The following CEACAM5 variants were observed in gnomAD, a reference collection of about 807,000 sequenced individuals.
CEACAM5 encodes CEA cell adhesion molecule 5, also known as cell adhesion molecule CEACAM5.
A neutral mutation model predicts 63.0 loss-of-function variants in CEACAM5; 52 were observed. The ratio of observed to expected loss-of-function variants is 0.83; its 90% CI spans 0.66 to 1.04. CEACAM5 has a LOEUF of 1.04. CEACAM5 is among the 50% of genes least tolerant of loss of function. The pLI, the probability that CEACAM5 is intolerant of heterozygous loss-of-function variation, is 0.00. For missense variants in CEACAM5, 790 were observed against 864.8 expected, an observed-to-expected ratio of 0.91 and a Z score of 1.08; for synonymous variants, 357 against 351.3, an observed-to-expected ratio of 1.02 and a Z score of -0.18.
At chr19:41,723,197 C>A (rs1234704078) in intron 8 of CEACAM5, among the ~76,000 whole-genome samples, 1 of 152,180 alleles carries the variant, frequency 6.6e-6, no homozygotes, top group Non-Finnish European at 1.5e-5. Flanking sequence ...CAGGCATGAG[C>A]CACCGTGTCC....
chr19:41,719,861 T>C, intron 6 of CEACAM5, 69 bp from the exon 7 acceptor site: 1 of 1,599,868 alleles, frequency 6.3e-7, no homozygotes, highest in Admixed American at 1.7e-5. Context: ...TTGCCAACTC[T>C]GATTGAAAGA....
At chr19:41,708,859 G>A in intron 1 of CEACAM5, 64 bp downstream of exon 1, 12 of 1,104,390 alleles carry the variant, frequency 1.1e-5, no homozygotes, top group Admixed American at 2.3e-5. Context: ...GGTAGGACAG[G>A]GCTGTGAGAC....
At chr19:41,727,988 T>G (rs140822283) in intron 9 of CEACAM5, among the ~76,000 whole-genome samples, 11 of 152,276 alleles carry the variant, frequency 7.2e-5, no homozygotes, top group Admixed American at 2.6e-4. Flanking sequence ...GTGACCTCCT[T>G]CCACTGTCTG....
At chr19:41,712,511 G>A (rs782232638) in intron 2 of CEACAM5, among the ~76,000 whole-genome samples, 1 of 152,190 alleles carries the variant, frequency 6.6e-6, no homozygotes, top group Non-Finnish European at 1.5e-5. Context: ...GGCAGGGAGC[G>A]CTTTCTAAAT....
rs138694037 is a variant in CEACAM5, at chr19:41,715,104, G to A, written c.558G>A (p.Pro186=). The A allele has an allele frequency of 7.8e-4, 1,266 of 1,614,014 alleles. No homozygotes were observed. Among genetic ancestry groups the A allele is most frequent in the Non-Finnish European group, 9.4e-4 (1,107 of 1,180,024 alleles). ...GGTGGGTAAACAATCAGAGCCTCCC[G>A]GTCAGTCCCAGGCTGCAGCTGTCCA... ...YLWWVNNQSL[P]VSPRLQLSNG... is the part of the protein sequence containing the mutation. Residue 186 remains proline, a synonymous_variant, in exon 3 of 10, where the codon CCG becomes CCA. Transcript: ENST00000221992.
rs1305152658 is a variant in CEACAM5 at position 41,715,547 on chromosome 19, G to C, written c.704-103G>C. The C allele has an allele frequency of 2.7e-6, 4 of 1,455,608 alleles. No homozygotes were observed. The African/African-American group carries it at 5.6e-5, about 20-fold the overall frequency. 90.2% of individuals were successfully genotyped at this position (1,455,608 alleles called of 1,614,324 possible). On this transcript the variant is annotated intron_variant, in intron 3 of 9. Transcript: ENST00000221992. Reference sequence around the variant, plus strand: ...CAAGAGGGGTTTGGCTGAGACTTTAGGATTGTGATTCAGCTTAGAGGGACA... The same window carrying C: ...CAAGAGGGGTTTGGCTGAGACTTTACGATTGTGATTCAGCTTAGAGGGACA...
At chr19:41,728,786 C>CAAAAAAAAAAAAAAAAAAAAAAAAA (rs55647539) in intron 9 of CEACAM5, among the ~76,000 whole-genome samples, 1 of 73,298 alleles carries the variant, frequency 1.4e-5, no homozygotes. Flanking sequence ...GACTCCGTCT[C>CAAAAAAAAAAAAAAAAAAAAAAAAA]AAAAAAAAAA....
intron 8 of CEACAM5, among the ~76,000 whole-genome samples, chr19:41,726,430 C>T (rs1457479180): frequency 1.3e-5 from 2 of 152,072 alleles, no homozygotes; most frequent in African/African-American, 2.4e-5. Flanking sequence ...AAATGAAAAC[C>T]CACTAGGACA....
intron 6 of CEACAM5, among the ~76,000 whole-genome samples, chr19:41,719,409 C>T (rs1379986888): frequency 1.3e-5 from 2 of 152,186 alleles, no homozygotes; most frequent in Non-Finnish European, 2.9e-5. Context: ...GAGCTGCCCA[C>T]CTGTGGCCCA....
chr19:41,715,376 T>C, intron 3 of CEACAM5, 127 bp downstream of exon 3: 1 of 1,425,740 alleles, frequency 7.0e-7, no homozygotes, highest in Non-Finnish European at 9.8e-7. Flanking sequence ...AGACTGTCTG[T>C]GACTTTCTGC....
rs1555814893 is a variant in CEACAM5 at position 41,715,670 on chromosome 19, A to G, written c.724A>G (p.Ile242Val). The stretch of plus-strand genomic sequence containing the variant: ...TCCAGATGGCCCGGATGCCCCCACC[A>G]TTTCCCCTCTAAACACATCTTACAG... ...NVLYGPDAPT[I>V]SPLNTSYRSG... is the part of the protein sequence containing the mutation. The change falls in exon 4 of 10, where the codon ATT becomes GTT. Residue 242 changes from isoleucine (I) to valine (V), a missense_variant. Physicochemically the swap from Ile to Val is conservative, Grantham distance 29. Coordinates refer to ENST00000221992, the MANE Select transcript of CEACAM5 (RefSeq NM_004363.6). 1 of 1,613,996 alleles carries G rather than the reference A, an allele frequency of 6.2e-7. No homozygotes were observed. Among genetic ancestry groups the G allele is most frequent in the Admixed American group, 1.7e-5 (1 of 59,996 alleles).
chr19:41,710,473 G>C lies in CEACAM5; in HGVS notation c.424+434G>C, dbSNP rs141708957. Among the ~76,000 whole-genome samples the C allele has an allele frequency of 1.2e-4, 19 of 152,304 alleles. No homozygotes were observed. The East Asian group carries it at 3.7e-3, about 29-fold the overall frequency. ...GCCAGGGCTGTGTTGTGGCCTCCTG[G>C]GCAAGGCTAACTGGAAGCAAGGACT... On this transcript the variant is annotated intron_variant, in intron 2 of 9. Coordinates refer to ENST00000221992, the MANE Select transcript of CEACAM5 (RefSeq NM_004363.6).
intron 2 of CEACAM5, among the ~76,000 whole-genome samples, chr19:41,713,080 G>A (rs1284638871): frequency 1.3e-5 from 2 of 152,202 alleles, no homozygotes; most frequent in African/African-American, 4.8e-5. Flanking sequence ...GCCAAGGCGG[G>A]AAGATCACAA....
At chr19:41,719,486 C>A (rs1304022234) in intron 6 of CEACAM5, among the ~76,000 whole-genome samples, 4 of 152,106 alleles carry the variant, frequency 2.6e-5, no homozygotes, top group Admixed American at 2.6e-4. Flanking sequence ...GCTTAAACAC[C>A]CATCCCCGTC....
At chr19:41,716,817 C>T (rs1321550782) in intron 4 of CEACAM5, among the ~76,000 whole-genome samples, 1 of 152,288 alleles carries the variant, frequency 6.6e-6, no homozygotes, top group Non-Finnish European at 1.5e-5. Context: ...TAAATATATT[C>T]CCCTTGTTCT....
At chr19:41,723,426 T>TC (rs2072655567) in intron 8 of CEACAM5, among the ~76,000 whole-genome samples, 1 of 152,196 alleles carries the variant, frequency 6.6e-6, no homozygotes, top group Non-Finnish European at 1.5e-5. Context: ...ATGTTGAGCA[T>TC]ATTTGCATGT....
At chr19:41,715,973 C>A in intron 4 of CEACAM5, 69 bp downstream of exon 4, 2 of 1,556,574 alleles carry the variant, frequency 1.3e-6, no homozygotes, top group Non-Finnish European at 1.8e-6. Flanking sequence ...AAACAAGAGC[C>A]AGGAAGACAT....
intron 2 of CEACAM5, among the ~76,000 whole-genome samples, chr19:41,711,045 C>T: frequency 6.6e-6 from 1 of 152,082 alleles, no homozygotes; most frequent in East Asian, 1.9e-4. Context: ...CTCTCCTCAA[C>T]TGGGGGTGGG....
Position 41,709,794 on chromosome 19 carries a change from A to G in CEACAM5, c.179A>G (p.Gln60Arg). 1 of 1,614,156 alleles carries G rather than the reference A, an allele frequency of 6.2e-7. No individual in the cohort carries two copies. ...EVLLLVHNLP[Q>R]HLFGYSWYKG... ...CTTCTACTTGTCCACAATCTGCCCC[A>G]GCATCTTTTTGGCTACAGCTGGTAC... Residue 60 changes from glutamine (Q) to arginine (R), a missense_variant, in exon 2 of 10, where the codon CAG becomes CGG. By Grantham distance (43) the Gln-to-Arg change is conservative. Transcript: ENST00000221992.
Sources: allele counts gnomAD v4.1 joint callset (sites outside exome capture counted in the v4.1 genomes callset), GRCh38; gene constraint gnomAD v4.1.1; transcripts MANE v1.5; gene names NCBI Gene and HGNC (gene_info 2026-07-23, HGNC 2026-07-21).